EYS: variants seen among roughly 807,000 people sequenced by gnomAD.
EYS encodes the protein protein eyes shut homolog.
In EYS, 250 loss-of-function variants were observed where a neutral mutation model predicts 282.1. The observed-to-expected ratio is 0.89, with a 90% CI of 0.80 to 0.98. The LOEUF (loss-of-function observed/expected upper bound fraction) is 0.98, where lower values mean the gene tolerates loss of function less well. Among genes scored for constraint, EYS ranks in the 50% least tolerant of loss-of-function variants. The probability of loss-of-function intolerance (pLI) is 0.00; values close to 1 mark genes in which losing one functional copy is unlikely to be tolerated. For missense variants in EYS, 4,016 were observed against 3,709.0 expected (o/e 1.08, Z -2.15); for synonymous variants, 1,355 against 1,282.9 (o/e 1.06, Z -1.20).
At chr6:64,441,245 C>T (rs759221634) in intron 26 of EYS, among the ~76,000 whole-genome samples, 17 of 152,046 alleles carry the variant, frequency 1.1e-4, no homozygotes, top group Admixed American at 2.6e-4. Context: ...CAATAATTAA[C>T]AATAAAAACA....
At position 65,636,048 on chromosome 6, in the gene EYS, G is replaced by C. The variant is rs189433809; in HGVS notation, c.-333+3730C>G. On this transcript the variant is annotated intron_variant, in intron 2 of 42. Coordinates refer to ENST00000503581, the MANE Select transcript of EYS (RefSeq NM_001142800.2). ...CTTGTGTCAATTAAACTTTTCTTCAGTGCAATGCCATGGTCTTTATTTATG... is the reference window on the plus strand; with the variant it reads ...CTTGTGTCAATTAAACTTTTCTTCACTGCAATGCCATGGTCTTTATTTATG... Among the ~76,000 whole-genome samples the C allele has an allele frequency of 2.1e-3, 322 of 152,274 alleles. 2 individuals are homozygous for C. The highest frequency in any genetic ancestry group is 7.7e-3 in the African/African-American group (320 of 41,546).
At chr6:63,930,468 C>CTGT (rs1372025413) in intron 35 of EYS, among the ~76,000 whole-genome samples, 1 of 152,162 alleles carries the variant, frequency 6.6e-6, no homozygotes, top group African/African-American at 2.4e-5. Context: ...GCTATGATTA[C>CTGT]TGTTCTTCCC....
At chr6:64,064,291 G>A (rs961418757) in intron 33 of EYS, among the ~76,000 whole-genome samples, 5 of 152,006 alleles carry the variant, frequency 3.3e-5, no homozygotes, top group African/African-American at 1.2e-4. Context: ...TACAAGTAGA[G>A]TAAGAAACAT....
In EYS at chr6:65,697,977, CAA is replaced by C. The variant is rs200910285; in HGVS notation, c.-448+9156_-448+9157del. Among the ~76,000 whole-genome samples, 386 of 152,204 alleles carry C rather than the reference CAA, an allele frequency of 2.5e-3. 4 individuals are homozygous for C. Among genetic ancestry groups the C allele is most frequent in the Admixed American group, 0.018 (276 of 15,284 alleles). On this transcript the variant is annotated intron_variant, in intron 1 of 42. Transcript: ENST00000503581. ...AGTAACAAATACGACATTTATTTCA[CAA>C]AGAGTGGCTTAAAGACTTGCCTAGC...
At chr6:64,937,108 C>T (rs1241856237) in intron 15 of EYS, among the ~76,000 whole-genome samples, 2 of 151,374 alleles carry the variant, frequency 1.3e-5, no homozygotes, top group Non-Finnish European at 3.0e-5. Flanking sequence ...AAGAATGAGG[C>T]TAGACCTTTA....
At chr6:64,623,916 C>A (rs1767521837) in intron 23 of EYS, among the ~76,000 whole-genome samples, 1 of 152,076 alleles carries the variant, frequency 6.6e-6, no homozygotes, top group Non-Finnish European at 1.5e-5. Context: ...TCTGCAGGAG[C>A]AAGATTATTC....
chr6:63,795,840 C>G (rs1770631550), intron 37 of EYS, among the ~76,000 whole-genome samples: 1 of 151,950 alleles, frequency 6.6e-6, no homozygotes, highest in Non-Finnish European at 1.5e-5. Context: ...TCAGCTTGAC[C>G]TGAAGGAAAA....
chr6:64,701,110 T>C (rs866199423), intron 22 of EYS, among the ~76,000 whole-genome samples: 7 of 152,112 alleles, frequency 4.6e-5, no homozygotes, highest in Middle Eastern at 3.4e-3. Context: ...GATGAAAACA[T>C]ACACTGGAAA....
intron 28 of EYS, among the ~76,000 whole-genome samples, chr6:64,413,255 C>T (rs993677295): frequency 6.6e-6 from 1 of 152,076 alleles, no homozygotes; most frequent in African/African-American, 2.4e-5. Flanking sequence ...CTACAGAGCT[C>T]CAAGATCTAG....
At chr6:64,942,772 C>T (rs75747023) in intron 15 of EYS, among the ~76,000 whole-genome samples, 1,606 of 128,918 alleles carry the variant, frequency 0.012, 28 homozygotes, top group African/African-American at 0.047. Context: ...GGATTCACGC[C>T]AAATTTTACT....
chr6:65,378,594 T>C (rs879203483), intron 8 of EYS, among the ~76,000 whole-genome samples: 3 of 152,174 alleles, frequency 2.0e-5, no homozygotes, highest in African/African-American at 2.4e-5. Flanking sequence ...CAAAAGTTTA[T>C]TGTGGCACTG....
intron 36 of EYS, among the ~76,000 whole-genome samples, chr6:63,847,693 G>A (rs1474450690): frequency 6.6e-6 from 1 of 152,152 alleles, no homozygotes; most frequent in Non-Finnish European, 1.5e-5. Context: ...AATCAATGAA[G>A]CTCTCTACTT....
intron 1 of EYS, among the ~76,000 whole-genome samples, chr6:65,704,936 G>A (rs1769821379): frequency 6.6e-6 from 1 of 151,968 alleles, no homozygotes; most frequent in South Asian, 2.1e-4. Flanking sequence ...TATTTTCCAG[G>A]GTTATCTTCT....
intron 15 of EYS, among the ~76,000 whole-genome samples, chr6:64,918,526 C>G (rs893468734): frequency 6.6e-6 from 1 of 152,130 alleles, no homozygotes; most frequent in Non-Finnish European, 1.5e-5. Context: ...AACATAGGGA[C>G]AGCTTGGAAG....
intron 37 of EYS, among the ~76,000 whole-genome samples, chr6:63,804,404 T>G (rs1770853390): frequency 6.6e-6 from 1 of 152,232 alleles, no homozygotes. Flanking sequence ...CTATACTCAT[T>G]TGATAGGTTA....
At chr6:63,822,064 A>C (rs904962957) in intron 36 of EYS, 4 of 152,218 alleles carry the variant, frequency 2.6e-5, no homozygotes, top group Admixed American at 6.5e-5. Flanking sequence ...TTTTCCCTTG[A>C]AATTTTCTAG....
intron 28 of EYS, among the ~76,000 whole-genome samples, chr6:64,396,102 T>A (rs904142455): frequency 6.6e-6 from 1 of 152,110 alleles, no homozygotes; most frequent in South Asian, 2.1e-4. Context: ...ATACTCTCTC[T>A]CACAACTCTT....
chr6:64,464,752 A>G (rs879719433), intron 26 of EYS, among the ~76,000 whole-genome samples: 4 of 152,058 alleles, frequency 2.6e-5, no homozygotes, highest in Non-Finnish European at 5.9e-5. Context: ...ACAAATAACT[A>G]CATTGCTATA....
chr6:64,764,586 T>G (rs761974451), intron 22 of EYS, among the ~76,000 whole-genome samples: 2 of 152,248 alleles, frequency 1.3e-5, no homozygotes, highest in African/African-American at 2.4e-5. Flanking sequence ...GCATTCTCCC[T>G]ATTGTGTTGG....
Sources: allele counts gnomAD v4.1 joint callset (sites outside exome capture counted in the v4.1 genomes callset), GRCh38; gene constraint gnomAD v4.1.1; transcripts MANE v1.5; gene names NCBI Gene and HGNC (gene_info 2026-07-23, HGNC 2026-07-21).